The following LPIN2 variants were observed in gnomAD, a reference collection of about 807,000 sequenced individuals.
LPIN2 encodes lipin 2, also known as phosphatidate phosphatase LPIN2.
In LPIN2, 55 loss-of-function variants were observed where a neutral mutation model predicts 111.4. The observed-to-expected ratio is 0.49, with a 90% CI of 0.40 to 0.62. LPIN2 has a LOEUF of 0.62. Among genes scored for constraint, LPIN2 ranks in the 20% least tolerant of loss-of-function variants. The pLI is 0.00. For synonymous variants in LPIN2, 425 were observed against 414.0 expected (o/e 1.03, Z -0.32); for missense variants, 992 against 1,112.1 (o/e 0.89, Z 1.54).
At chr18:2,977,003 T>C (rs1261832451) in intron 1 of LPIN2, 1 of 151,932 alleles carries the variant, frequency 6.6e-6, no homozygotes, top group African/African-American at 2.4e-5. Context: ...GCCCAGGAGT[T>C]CAAGACCAGC....
At chr18:2,967,478 C>G (rs1382139966) in intron 1 of LPIN2, 3 of 152,270 alleles carry the variant, frequency 2.0e-5, no homozygotes, top group Non-Finnish European at 4.4e-5. Context: ...AAGCTTCTCC[C>G]CGGTCAGGGA....
intron 2 of LPIN2, among the ~76,000 whole-genome samples, chr18:2,956,311 GGTGTGTGTGTGTGTGTGTGTGTGT>G (rs55844718): frequency 2.8e-5 from 4 of 143,960 alleles, no homozygotes; most frequent in African/African-American, 8.1e-5. Context: ...TAGATGCAGG[GGTGTGTGTGTGTGTGTGTGTGTGT>G]GTGTGTGTGT....
At chr18:2,936,728 C>T (rs922411210) in intron 7 of LPIN2, among the ~76,000 whole-genome samples, 5 of 152,218 alleles carry the variant, frequency 3.3e-5, no homozygotes, top group East Asian at 3.9e-4. Context: ...CACAGATGAA[C>T]GCCACCATGC....
intron 1 of LPIN2, among the ~76,000 whole-genome samples, chr18:2,976,283 G>A (rs1722892289): frequency 6.6e-6 from 1 of 152,098 alleles, no homozygotes; most frequent in Admixed American, 6.6e-5. Context: ...AGTAAATGAG[G>A]GTAAGAACCA....
chr18:2,949,006 T>C (rs776081172), intron 4 of LPIN2, among the ~76,000 whole-genome samples: 77 of 152,280 alleles, frequency 5.1e-4, no homozygotes, highest in Non-Finnish European at 7.1e-4. Flanking sequence ...TTTCACCATG[T>C]TGGCCAGGCT....
At chr18:2,964,911 A>G (rs139818073) in intron 1 of LPIN2, among the ~76,000 whole-genome samples, 1 of 152,310 alleles carries the variant, frequency 6.6e-6, no homozygotes, top group African/African-American at 2.4e-5. Context: ...GTTCCTTAAA[A>G]TATGTGAACT....
Position 2,927,898 on chromosome 18 carries a change from A to G in LPIN2, c.1621-87T>C, listed in dbSNP as rs1014896345. The stretch of plus-strand genomic sequence containing the variant: ...ATGCTAGCCTGAAGGACGGGGCCTT[A>G]CTATGGAATGTGAGAACGTGACCGA... On this transcript the variant is annotated intron_variant, in intron 11 of 19. Coordinates refer to ENST00000677752, the MANE Select transcript of LPIN2 (RefSeq NM_001375808.2). 25 of 1,089,804 alleles carry G rather than the reference A, an allele frequency of 2.3e-5. No homozygotes were observed. In the South Asian group the frequency reaches 3.0e-4, roughly 13 times the overall value. 67.5% of individuals were successfully genotyped at this position (1,089,804 alleles called of 1,614,324 possible). A position where few individuals can be genotyped will look rare whatever the true frequency, so the allele number is the denominator to read the frequency against.
At position 2,960,198 on chromosome 18, in the gene LPIN2, G is replaced by GTGTGTA. The variant is rs1568574203; in HGVS notation, c.192+450_192+451insTACACA. Among the ~76,000 whole-genome samples, 930 of 151,644 alleles carry GTGTGTA rather than the reference G, an allele frequency of 6.1e-3. 6 individuals are homozygous for GTGTGTA. The highest frequency in any genetic ancestry group is 0.021 in the African/African-American group (869 of 41,304). ...AATGTGTGTGTGTGTGTGTGTGTGTGTGTGTGTGTGTGTGTGTGTGTTCTT... is the reference window on the plus strand; with the variant it reads ...AATGTGTGTGTGTGTGTGTGTGTGTGTGTGTATGTGTGTGTGTGTGTGTGTGTTCTT... On this transcript the variant is annotated intron_variant, in intron 2 of 19. Transcript: ENST00000677752.
intron 4 of LPIN2, among the ~76,000 whole-genome samples, chr18:2,947,771 C>T (rs934554212): frequency 2.6e-5 from 4 of 152,224 alleles, no homozygotes; most frequent in East Asian, 1.9e-4. Flanking sequence ...AATTCCGCAA[C>T]GCCACGTAAT....
chr18:3,009,298 C>T (rs924536975), intron 1 of LPIN2, among the ~76,000 whole-genome samples: 2 of 151,528 alleles, frequency 1.3e-5, no homozygotes, highest in African/African-American at 4.8e-5. Flanking sequence ...ACTCAGGAGG[C>T]TGAGGCAGGA....
At chr18:2,996,833 C>G (rs1399051800) in intron 1 of LPIN2, among the ~76,000 whole-genome samples, 1 of 152,102 alleles carries the variant, frequency 6.6e-6, no homozygotes, top group Non-Finnish European at 1.5e-5. Flanking sequence ...AGACCCACAT[C>G]CCACCATCTC....
chr18:2,931,535 AAC>A, intron 8 of LPIN2, 92 bp from the exon 9 acceptor site: 2 of 1,254,396 alleles, frequency 1.6e-6, no homozygotes, highest in Non-Finnish European at 1.1e-6. Flanking sequence ...CAAACCAAAT[AAC>A]ACATCCGCTA....
At chr18:2,995,069 G>A (rs1057481466) in intron 1 of LPIN2, among the ~76,000 whole-genome samples, 6 of 152,170 alleles carry the variant, frequency 3.9e-5, no homozygotes, top group African/African-American at 1.4e-4. Flanking sequence ...AGGGTTCAGA[G>A]CACCTGTCAG....
chr18:2,927,898 A>C (rs1014896345), intron 11 of LPIN2, 87 bp from the exon 12 acceptor site: 17 of 1,089,804 alleles, frequency 1.6e-5, no homozygotes, highest in Non-Finnish European at 2.4e-5. Context: ...ACGGGGCCTT[A>C]CTATGGAATG....
rs903691479 is a variant in LPIN2, at chr18:2,934,561, GT to G, written c.1169-112del. ...GAGTGACAAGCAGGATTTGAATAGG[GT>G]TTTAATTTTAAAGGTGTCAACCAGC... On this transcript the variant is annotated intron_variant, in intron 7 of 19. Coordinates refer to ENST00000677752, the MANE Select transcript of LPIN2 (RefSeq NM_001375808.2). 8.5e-4 allele frequency: 635 copies of G among 742,936 alleles called. 5 individuals carry two copies. Among genetic ancestry groups the G allele is most frequent in the Non-Finnish European group, 1.6e-4 (69 of 425,250 alleles). 46.0% of individuals were successfully genotyped at this position (742,936 alleles called of 1,614,324 possible).
intron 2 of LPIN2, among the ~76,000 whole-genome samples, chr18:2,959,397 T>C (rs1395095386): frequency 2.0e-5 from 3 of 152,200 alleles, no homozygotes; most frequent in Non-Finnish European, 4.4e-5. Context: ...CTATATAAAA[T>C]AGCAAAAAGC....
At chr18:2,951,480 G>T in intron 3 of LPIN2, 124 bp from the exon 4 acceptor site, 1 of 854,230 alleles carries the variant, frequency 1.2e-6, no homozygotes, top group Non-Finnish European at 1.8e-6. Context: ...TTCCCTAAAG[G>T]CAAGAAAGTC....
intron 1 of LPIN2, among the ~76,000 whole-genome samples, chr18:2,996,962 AT>A (rs1252149749): frequency 6.7e-6 from 1 of 148,868 alleles, no homozygotes; most frequent in East Asian, 2.0e-4. Context: ...AAATATGTAC[AT>A]TTCATTTTTG....
At chr18:3,007,523 T>C (rs184557068) in intron 1 of LPIN2, among the ~76,000 whole-genome samples, 13 of 152,338 alleles carry the variant, frequency 8.5e-5, no homozygotes, top group African/African-American at 2.4e-4. Flanking sequence ...TAAAGAAATG[T>C]AATATGTGGA....
Sources: gnomAD v4.1 joint callset for allele counts (sites outside exome capture counted in the v4.1 genomes callset) on GRCh38, gnomAD v4.1.1 for gene constraint, MANE v1.5 for transcripts, NCBI Gene and HGNC (gene_info 2026-07-23, HGNC 2026-07-21) for gene names.